Variants in MAN2A1 observed in about 807,000 individuals in gnomAD.
MAN2A1 encodes alpha-mannosidase 2.
A neutral mutation model predicts 142.6 loss-of-function variants in MAN2A1; 76 were observed. The ratio of observed to expected loss-of-function variants is 0.53; its 90% confidence interval spans 0.44 to 0.65. The LOEUF is 0.65. Among genes scored for constraint, MAN2A1 ranks in the 30% least tolerant of loss-of-function variants. The pLI, the probability that MAN2A1 is intolerant of heterozygous loss-of-function variation, is 0.00. For synonymous variants in MAN2A1, 559 were observed against 473.2 expected (o/e 1.18, Z -2.35); for missense variants, 1,311 against 1,365.1 (o/e 0.96, Z 0.62).
intron 16 of MAN2A1, among the ~76,000 whole-genome samples, chr5:109,832,341 C>T (rs1343360409): frequency 6.6e-6 from 1 of 151,398 alleles, no homozygotes; most frequent in Non-Finnish European, 1.5e-5. Flanking sequence ...GTTTTTGTGT[C>T]CCTGGGTACT....
chr5:109,826,900 C>T (rs1425975420), intron 16 of MAN2A1, among the ~76,000 whole-genome samples: 4 of 152,202 alleles, frequency 2.6e-5, no homozygotes, highest in Admixed American at 6.5e-5. Flanking sequence ...AATGCATAGA[C>T]AAAATGTGGC....
chr5:109,722,395 A>G (rs1751629683), intron 3 of MAN2A1, among the ~76,000 whole-genome samples: 1 of 152,100 alleles, frequency 6.6e-6, no homozygotes, highest in Admixed American at 6.6e-5. Context: ...TTTACAAGCA[A>G]TATTTTCCAG....
intron 3 of MAN2A1, among the ~76,000 whole-genome samples, chr5:109,726,020 G>C (rs746249606): frequency 6.6e-6 from 1 of 151,980 alleles, no homozygotes; most frequent in Non-Finnish European, 1.5e-5. Flanking sequence ...ATAGCTATTA[G>C]CTTTTTTATG....
At chr5:109,763,290 TTAG>T (rs1183144601) in intron 5 of MAN2A1, among the ~76,000 whole-genome samples, 2 of 152,300 alleles carry the variant, frequency 1.3e-5, no homozygotes, top group Non-Finnish European at 2.9e-5. Context: ...ATGAATTTAA[TTAG>T]TAGGCTTTTG....
intron 16 of MAN2A1, among the ~76,000 whole-genome samples, chr5:109,831,804 CATGT>C (rs1216307272): frequency 2.0e-5 from 3 of 148,398 alleles, no homozygotes; most frequent in South Asian, 2.1e-4. Context: ...AAACAAAAAT[CATGT>C]GTGTGTGTGT....
In MAN2A1 at chr5:109,770,079, C is replaced by T. The variant is rs1753101539; in HGVS notation, c.1010-276C>T. Among the ~76,000 whole-genome samples, 4 of 152,222 alleles carry T rather than the reference C, an allele frequency of 2.6e-5. No individual in the cohort carries two copies. In the South Asian group the frequency reaches 8.3e-4, roughly 32 times the overall value. On this transcript the variant is annotated intron_variant, in intron 6 of 21. Coordinates refer to ENST00000261483, the MANE Select transcript of MAN2A1 (RefSeq NM_002372.4). ...ACTTTTACGGCTGCTCAGTTTGTAT[C>T]CCTCCTGGTCAGCTGGCGCTGGTTC...
intron 7 of MAN2A1, among the ~76,000 whole-genome samples, chr5:109,771,560 G>A (rs1173300201): frequency 6.6e-6 from 1 of 152,152 alleles, no homozygotes; most frequent in Non-Finnish European, 1.5e-5. Context: ...CCCAAGGTTA[G>A]GGATTGACTT....
intron 1 of MAN2A1, among the ~76,000 whole-genome samples, chr5:109,693,178 G>A (rs1269653985): frequency 7.4e-6 from 1 of 134,412 alleles, no homozygotes; most frequent in Non-Finnish European, 1.7e-5. Context: ...TACTGCTAGA[G>A]ATTTATACCC....
rs1027745257 is a variant in MAN2A1, at chr5:109,847,785, A to G, written c.2971A>G (p.Asn991Asp). 6.5e-7 allele frequency: 1 copy of G among 1,550,040 alleles called. No individual in the cohort carries two copies. The highest frequency in any genetic ancestry group is 1.4e-5 in the African/African-American group (1 of 72,228). The change falls in exon 19 of 22, where the codon AAT becomes GAT. Residue 991 changes from asparagine (N) to aspartate (D), a missense_variant. By Grantham distance (23) the Asn-to-Asp change is conservative (BLOSUM62 1). Transcript: ENST00000261483. ...RILLEKRSAV[N>D]TEEEKKSVSY... ...ACTACTAGAAAAAAGAAGTGCTGTT[A>G]ATACGGTATGAAAAAATAACTAGCA...
intron 5 of MAN2A1, among the ~76,000 whole-genome samples, chr5:109,763,279 T>C (rs1459929448): frequency 6.6e-6 from 1 of 152,202 alleles, no homozygotes; most frequent in Admixed American, 6.5e-5. Context: ...CATAGACCTC[T>C]ATGAATTTAA....
chr5:109,819,318 C>T (rs964003618), intron 13 of MAN2A1, among the ~76,000 whole-genome samples: 1 of 152,148 alleles, frequency 6.6e-6, no homozygotes, highest in Admixed American at 6.6e-5. Context: ...TTGGACATAA[C>T]CCAATCATGA....
At chr5:109,708,944 G>T (rs552256242) in intron 1 of MAN2A1, among the ~76,000 whole-genome samples, 1 of 152,094 alleles carries the variant, frequency 6.6e-6, no homozygotes, top group Non-Finnish European at 1.5e-5. Flanking sequence ...CTCACACACC[G>T]TCTCCTCTGG....
chr5:109,817,823 C>G (rs1754510272), intron 13 of MAN2A1, among the ~76,000 whole-genome samples: 1 of 152,022 alleles, frequency 6.6e-6, no homozygotes, highest in Non-Finnish European at 1.5e-5. Flanking sequence ...AAATACCACC[C>G]TTAGTAACTT....
At chr5:109,725,894 C>CT (rs938443683) in intron 3 of MAN2A1, among the ~76,000 whole-genome samples, 9 of 151,688 alleles carry the variant, frequency 5.9e-5, no homozygotes, top group African/African-American at 1.9e-4. Context: ...GCTTTATTGG[C>CT]TTTTTTTATT....
At chr5:109,757,525 ATAT>A (rs1752720161) in intron 5 of MAN2A1, among the ~76,000 whole-genome samples, 1 of 152,134 alleles carries the variant, frequency 6.6e-6, no homozygotes, top group Non-Finnish European at 1.5e-5. Flanking sequence ...AACTCACATA[ATAT>A]TATTTTGGGT....
chr5:109,827,658 T>C (rs150171498), intron 16 of MAN2A1, among the ~76,000 whole-genome samples: 3 of 152,226 alleles, frequency 2.0e-5, no homozygotes, highest in African/African-American at 7.2e-5. Context: ...TCTCTCTTTC[T>C]TAACATCTTT....
At chr5:109,757,217 C>A (rs1348945052) in intron 5 of MAN2A1, among the ~76,000 whole-genome samples, 1 of 152,050 alleles carries the variant, frequency 6.6e-6, no homozygotes, top group African/African-American at 2.4e-5. Flanking sequence ...CTTGGGGACC[C>A]TCTCTACACA....
chr5:109,728,688 T>C (rs180894738), intron 3 of MAN2A1, among the ~76,000 whole-genome samples: 2 of 152,366 alleles, frequency 1.3e-5, no homozygotes, highest in Non-Finnish European at 2.9e-5. Context: ...TGAAAAATTT[T>C]ACCTATATGC....
At chr5:109,765,231 T>G (rs769453785) in intron 5 of MAN2A1, among the ~76,000 whole-genome samples, 3 of 152,146 alleles carry the variant, frequency 2.0e-5, no homozygotes, top group Non-Finnish European at 4.4e-5. Context: ...TCTCTTTAGT[T>G]TCCTTTTATT....
Sources: gnomAD v4.1 joint callset for allele counts (sites outside exome capture counted in the v4.1 genomes callset) on GRCh38, gnomAD v4.1.1 for gene constraint, MANE v1.5 for transcripts, NCBI Gene and HGNC (gene_info 2026-07-23, HGNC 2026-07-21) for gene names.